Variants in MTSS1 observed in about 807,000 individuals in gnomAD.
MTSS1 encodes MTSS I-BAR domain containing 1.
MTSS1 carries 18 observed loss-of-function variants against 79.0 expected under a neutral mutation model. The observed-to-expected ratio is 0.23, with a 90% CI of 0.16 to 0.34. MTSS1 has a LOEUF of 0.34. MTSS1 is among the 10% of genes least tolerant of loss of function. MTSS1 has a pLI of 1.00. For missense variants in MTSS1, 815 were observed against 986.2 expected (o/e 0.83, Z 2.33); for synonymous variants, 341 against 368.6 (o/e 0.93, Z 0.86).
chr8:124,651,642 T>A (rs1819992337), intron 3 of MTSS1, among the ~76,000 whole-genome samples: 1 of 152,126 alleles, frequency 6.6e-6, no homozygotes, highest in African/African-American at 2.4e-5. Context: ...AGCAGTTATT[T>A]CGGTTTTCCT....
intron 5 of MTSS1, among the ~76,000 whole-genome samples, chr8:124,585,580 A>G (rs901114840): frequency 2.0e-5 from 3 of 151,906 alleles, no homozygotes; most frequent in Non-Finnish European, 4.4e-5. Flanking sequence ...ACGCCCAGCT[A>G]ATTTTTGTAC....
intron 1 of MTSS1, among the ~76,000 whole-genome samples, chr8:124,725,481 T>C (rs985049020): frequency 2.6e-5 from 4 of 152,188 alleles, no homozygotes; most frequent in African/African-American, 9.7e-5. Flanking sequence ...CAGCCTAACA[T>C]CACTTCTGAG....
intron 3 of MTSS1, among the ~76,000 whole-genome samples, chr8:124,599,238 CTT>C (rs1833317234): frequency 6.6e-6 from 1 of 152,096 alleles, no homozygotes; most frequent in South Asian, 2.1e-4. Context: ...ATCCCCAACA[CTT>C]TGGGAGGCCG....
At chr8:124,606,771 A>G (rs1834958128) in intron 3 of MTSS1, among the ~76,000 whole-genome samples, 1 of 151,892 alleles carries the variant, frequency 6.6e-6, no homozygotes, top group African/African-American at 2.4e-5. Context: ...TCAACTGTGT[A>G]CAGTTGGCCG....
At chr8:124,628,293 A>G (rs1374090417) in intron 3 of MTSS1, among the ~76,000 whole-genome samples, 1 of 152,214 alleles carries the variant, frequency 6.6e-6, no homozygotes, top group Non-Finnish European at 1.5e-5. Flanking sequence ...TCTGAGCTCC[A>G]AGACATCAGC....
chr8:124,576,370 G>A (rs1454889076), intron 6 of MTSS1, among the ~76,000 whole-genome samples: 33 of 152,196 alleles, frequency 2.2e-4, no homozygotes, highest in Non-Finnish European at 1.5e-5. Flanking sequence ...ATTTGGGGCA[G>A]TCTCATGGGA....
intron 5 of MTSS1, among the ~76,000 whole-genome samples, chr8:124,585,738 C>G: frequency 6.6e-6 from 1 of 152,200 alleles, no homozygotes; most frequent in South Asian, 2.1e-4. Flanking sequence ...GAAAAAAATT[C>G]ACAATTTCTC....
intron 3 of MTSS1, among the ~76,000 whole-genome samples, chr8:124,681,345 T>C (rs926532075): frequency 6.6e-6 from 1 of 152,234 alleles, no homozygotes; most frequent in Admixed American, 6.5e-5. Context: ...GCAAAGGTTC[T>C]GCTTCTATGC....
chr8:124,596,064 T>G (rs761958903), intron 3 of MTSS1, among the ~76,000 whole-genome samples: 79 of 152,176 alleles, frequency 5.2e-4, no homozygotes, highest in Non-Finnish European at 1.0e-3. Flanking sequence ...GACACCTGCC[T>G]CAGGATGACA....
chr8:124,616,245 G>C (rs11994513), intron 3 of MTSS1, among the ~76,000 whole-genome samples: 39,590 of 152,032 alleles, frequency 0.26, 7,027 homozygotes, highest in African/African-American at 0.5. Flanking sequence ...CTGCAAAGGA[G>C]AGCCTATGTT....
intron 1 of MTSS1, among the ~76,000 whole-genome samples, chr8:124,718,887 A>G (rs1023482402): frequency 1.3e-5 from 2 of 152,214 alleles, no homozygotes; most frequent in East Asian, 3.9e-4. Context: ...TGGCCCAACA[A>G]CTTCATGTCC....
intron 3 of MTSS1, among the ~76,000 whole-genome samples, chr8:124,650,993 T>G (rs2134168796): frequency 6.6e-6 from 1 of 152,342 alleles, no homozygotes; most frequent in Non-Finnish European, 1.5e-5. Context: ...TTGTGAGACC[T>G]AAATAACTTA....
At chr8:124,654,407 G>A (rs922420600) in intron 3 of MTSS1, among the ~76,000 whole-genome samples, 4 of 152,076 alleles carry the variant, frequency 2.6e-5, no homozygotes, top group African/African-American at 7.2e-5. Context: ...CACTTTCCAC[G>A]GTGAGAGGAC....
intron 3 of MTSS1, among the ~76,000 whole-genome samples, chr8:124,596,406 A>G (rs1284735838): frequency 6.6e-6 from 1 of 152,234 alleles, no homozygotes; most frequent in Non-Finnish European, 1.5e-5. Context: ...TTTCTCCCAT[A>G]ACAAGCAAAT....
chr8:124,620,205 C>T, intron 3 of MTSS1, among the ~76,000 whole-genome samples: 1 of 152,120 alleles, frequency 6.6e-6, no homozygotes, highest in East Asian at 1.9e-4. Flanking sequence ...CTCAGCCTCT[C>T]AAAGTGCTGG....
rs1473665095 is a variant in MTSS1 at position 124,551,403 on chromosome 8, C to A, written c.*1589G>T. 6.6e-6 allele frequency: 1 copy of A among 152,620 alleles called. No individual in the cohort carries two copies. Among genetic ancestry groups the A allele is most frequent in the South Asian group, 2.1e-4 (1 of 4,832 alleles). 9.5% of individuals were successfully genotyped at this position (152,620 alleles called of 1,614,324 possible). On this transcript the variant is annotated 3_prime_UTR_variant, in exon 14 of 14. Transcript: ENST00000518547. ...GTAACATAAAATGTCCTTGAGCAAT[C>A]GCAGCAGTGTTCAATGTTAATATAT... is the stretch of plus-strand genomic sequence containing the variant.
intron 3 of MTSS1, among the ~76,000 whole-genome samples, chr8:124,609,200 A>G (rs1032237120): frequency 6.6e-6 from 1 of 152,152 alleles, no homozygotes. Context: ...TGCACCACTA[A>G]AGGACACAGG....
rs758616397 is a variant in MTSS1 at position 124,553,582 on chromosome 8, G to A, written c.1678C>T (p.Arg560Trp). 13 of 1,614,046 alleles carry A rather than the reference G, an allele frequency of 8.1e-6. No individual in the cohort carries two copies. The highest frequency in any genetic ancestry group is 6.7e-5 in the African/African-American group (5 of 74,914). The change falls in exon 14 of 14, where the codon CGG becomes TGG. Residue 560 changes from arginine to tryptophan, a missense_variant. Physicochemically the swap from Arg to Trp is moderately radical, Grantham distance 101 (BLOSUM62 -3). Transcript: ENST00000518547. The surrounding 1 kb of genome is among the most constrained non-coding windows in gnomAD (Gnocchi z 6.0). ...RNSDISQSYRRMFQAKRPAST... is the reference protein window; with the variant it reads ...RNSDISQSYRWMFQAKRPAST... ...GCTGGACGCTTGGCTTGGAACATCC[G>A]TCGGTAGGACTGGCTGATGTCGCTG...
intron 1 of MTSS1, among the ~76,000 whole-genome samples, chr8:124,720,821 A>G (rs1290095065): frequency 6.6e-6 from 1 of 152,236 alleles, no homozygotes; most frequent in Non-Finnish European, 1.5e-5. Flanking sequence ...ACTGCTTCTA[A>G]CATTTGAGTG....
Sources: allele counts gnomAD v4.1 joint callset (sites outside exome capture counted in the v4.1 genomes callset), GRCh38; gene constraint gnomAD v4.1.1; non-coding constraint Gnocchi (gnomAD v3.1); transcripts MANE v1.5; gene names NCBI Gene and HGNC (gene_info 2026-07-23, HGNC 2026-07-21).